Variants in LRIG1 observed in about 807,000 individuals in gnomAD.
LRIG1 encodes the protein leucine rich repeats and immunoglobulin like domains 1.
LRIG1 carries 48 observed loss-of-function variants against 99.2 expected under a neutral mutation model. The observed-to-expected ratio is 0.48, with a 90% confidence interval of 0.38 to 0.62. The LOEUF (loss-of-function observed/expected upper bound fraction) is 0.62, where lower values mean the gene tolerates loss of function less well. Ranked by LOEUF, LRIG1 falls within the 20% of genes least tolerant of loss-of-function variation. The pLI, the probability that LRIG1 is intolerant of heterozygous loss-of-function variation, is 0.00. For synonymous variants in LRIG1, 772 were observed against 596.1 expected, an observed-to-expected ratio of 1.29 and a Z score of -4.30; for missense variants, 1,646 against 1,434.4, an observed-to-expected ratio of 1.15 and a Z score of -2.38.
At chr3:66,398,717 G>A (rs371083017) in intron 10 of LRIG1, among the ~76,000 whole-genome samples, 63 of 152,360 alleles carry the variant, frequency 4.1e-4, no homozygotes, top group African/African-American at 1.4e-3. Context: ...CGCAGCAGGA[G>A]GGGGGAGGGT....
At position 66,380,358 on chromosome 3, in the gene LRIG1, G is replaced by T. The variant is rs1343092327; in HGVS notation, c.3187C>A (p.Pro1063Thr). The change falls in exon 19 of 19, where the codon CCC becomes ACC. Residue 1063 changes from proline to threonine, a missense_variant. Pro to Thr is a conservative substitution (Grantham distance 38, BLOSUM62 -1). Transcript: ENST00000273261. ...TCGGGACTGGCGTCACATGCTTTGG[G>T]GAGGTGGCCATTGGAAACAAGCAAG... ...QYLLVSNGHL[P>T]KACDASPEST... 5 of 1,614,068 alleles carry T rather than the reference G, an allele frequency of 3.1e-6. No homozygotes were observed. Among genetic ancestry groups the T allele is most frequent in the Non-Finnish European group, 4.2e-6 (5 of 1,180,046 alleles).
rs1701338174 is a variant in LRIG1, at chr3:66,500,647, C to CGGCCG, written c.-241_-240insCGGCC. 1 of 307,964 alleles carries CGGCCG rather than the reference C, an allele frequency of 3.2e-6. No individual in the cohort carries two copies. Among genetic ancestry groups the CGGCCG allele is most frequent in the African/African-American group, 2.2e-5 (1 of 45,390 alleles). 19.1% of individuals were successfully genotyped at this position (307,964 alleles called of 1,614,324 possible). ...CCGCGCCCATCCGGGCCGGCCGGCC[C>CGGCCG]GCCCGCGCTAGCTGCGAACTCCGCC... is the stretch of plus-strand genomic sequence containing the variant. On this transcript the variant is annotated 5_prime_UTR_variant, in exon 1 of 19. Coordinates refer to ENST00000273261, the MANE Select transcript of LRIG1 (RefSeq NM_015541.3).
Position 66,379,747 on chromosome 3 carries a change from G to C in LRIG1, c.*516C>G, listed in dbSNP as rs554347612. On this transcript the variant is annotated 3_prime_UTR_variant, in exon 19 of 19. Coordinates refer to ENST00000273261, the MANE Select transcript of LRIG1 (RefSeq NM_015541.3). ...GTGCTCACCTGAAGCTCCTTCCGGC[G>C]CATGTGGAGTCCCACCGCACAGCAG... 2 of 153,212 alleles carry C rather than the reference G, an allele frequency of 1.3e-5. No homozygotes were observed. The highest frequency in any genetic ancestry group is 1.3e-4 in the Admixed American group (2 of 15,420). The allele number at this position is 153,212 out of a possible 1,614,324, so 9.5% of individuals were successfully genotyped here. A position where few individuals can be genotyped will look rare whatever the true frequency, so the allele number is the denominator to read the frequency against.
Position 66,380,356 on chromosome 3 carries a change from G to A in LRIG1, c.3189C>T (p.Pro1063=). ...QYLLVSNGHL[P]KACDASPEST... ...ACTCGGGACTGGCGTCACATGCTTT[G>A]GGGAGGTGGCCATTGGAAACAAGCA... Residue 1063 remains proline (P), a synonymous_variant, in exon 19 of 19, where the codon CCC becomes CCT. Transcript: ENST00000273261. 2 of 1,614,186 alleles carry A rather than the reference G, an allele frequency of 1.2e-6. No individual in the cohort carries two copies. Among genetic ancestry groups the A allele is most frequent in the Non-Finnish European group, 1.7e-6 (2 of 1,180,028 alleles).
At chr3:66,457,666 C>T (rs529341696) in intron 2 of LRIG1, among the ~76,000 whole-genome samples, 6 of 152,208 alleles carry the variant, frequency 3.9e-5, no homozygotes, top group Non-Finnish European at 7.3e-5. Flanking sequence ...AGAAAGCAAA[C>T]GCTGAGGCAC....
At chr3:66,470,969 T>C (rs760899489) in intron 1 of LRIG1, among the ~76,000 whole-genome samples, 62 of 152,206 alleles carry the variant, frequency 4.1e-4, no homozygotes, top group Admixed American at 7.9e-4. Context: ...CTTGTTAATA[T>C]GGTATGTGCA....
At chr3:66,465,648 G>A (rs572082487) in intron 1 of LRIG1, among the ~76,000 whole-genome samples, 11 of 151,866 alleles carry the variant, frequency 7.2e-5, no homozygotes, top group Non-Finnish European at 1.5e-4. Flanking sequence ...TTACAGGTGT[G>A]AGCCACCGTG....
chr3:66,431,186 T>C (rs1703161066), intron 3 of LRIG1, among the ~76,000 whole-genome samples: 1 of 152,122 alleles, frequency 6.6e-6, no homozygotes, highest in Non-Finnish European at 1.5e-5. Flanking sequence ...TAAACATACT[T>C]CATTACAATT....
At position 66,383,307 on chromosome 3, in the gene LRIG1, G is replaced by A. The variant is rs765839361; in HGVS notation, c.2166C>T (p.Pro722=). ...LQCKATGNPP[P]RITWFKGDRP... is the part of the protein sequence containing the mutation. ...GGTCCCCCTTGAACCAGGTGATGCG[G>A]GGCGGAGGGTTCCCCGTGGCTTTGC... Residue 722 remains proline (P), a synonymous_variant, in exon 15 of 19, where the codon CCC becomes CCT. Coordinates refer to ENST00000273261, the MANE Select transcript of LRIG1 (RefSeq NM_015541.3). The A allele has an allele frequency of 5.6e-6, 9 of 1,606,546 alleles. No homozygotes were observed. The highest frequency in any genetic ancestry group is 7.7e-6 in the Non-Finnish European group (9 of 1,173,874).
At chr3:66,447,587 T>C (rs868684568) in intron 3 of LRIG1, among the ~76,000 whole-genome samples, 2 of 152,214 alleles carry the variant, frequency 1.3e-5, no homozygotes, top group Middle Eastern at 6.8e-3. Context: ...CAAGGCACCA[T>C]AAAGGGATGA....
intron 17 of LRIG1, 81 bp from the exon 18 acceptor site, chr3:66,380,942 C>G: frequency 6.9e-7 from 1 of 1,455,546 alleles, no homozygotes; most frequent in Non-Finnish European, 9.5e-7. Context: ...CTGCTCAGCT[C>G]CACTGTGCAA....
At chr3:66,444,031 C>T (rs1411143484) in intron 3 of LRIG1, among the ~76,000 whole-genome samples, 2 of 152,200 alleles carry the variant, frequency 1.3e-5, no homozygotes, top group Non-Finnish European at 2.9e-5. Flanking sequence ...AGGTGGCATT[C>T]AAGTCTTAGC....
rs55651719 is a variant in LRIG1 at position 66,408,913 on chromosome 3, AGTGTGTGTGTGTGTGTGT to A, written c.935+1198_935+1215del. 7.4e-4 allele frequency among the ~76,000 whole-genome samples: 26 copies of A among 34,914 alleles called. No individual in the cohort carries two copies. The East Asian group carries it at 0.01, about 14-fold the overall frequency. The allele number at this position is 34,914 out of a possible 152,430, so 22.9% of individuals were successfully genotyped here. On this transcript the variant is annotated intron_variant, in intron 7 of 18. Transcript: ENST00000273261. Reference sequence around the variant, plus strand: ...GTCACCAAAATATAAACTCCAAGTCAGTGTGTGTGTGTGTGTGTGTGTGTGTGTGTGTGTGTGTGTGTG... The same window carrying A: ...GTCACCAAAATATAAACTCCAAGTCAGTGTGTGTGTGTGTGTGTGTGTGTG...
intron 1 of LRIG1, among the ~76,000 whole-genome samples, chr3:66,483,185 C>G (rs926246512): frequency 6.6e-6 from 1 of 152,166 alleles, no homozygotes; most frequent in African/African-American, 2.4e-5. Flanking sequence ...ACATGTGAGG[C>G]TGAGCTCATC....
chr3:66,445,708 G>A (rs1406286662), intron 3 of LRIG1, among the ~76,000 whole-genome samples: 4 of 152,214 alleles, frequency 2.6e-5, no homozygotes, highest in Non-Finnish European at 5.9e-5. Flanking sequence ...AGTGAAGGAT[G>A]CCTTTCTTCA....
chr3:66,484,956 C>T (rs1700938115), intron 1 of LRIG1, among the ~76,000 whole-genome samples: 1 of 151,970 alleles, frequency 6.6e-6, no homozygotes, highest in African/African-American at 2.4e-5. Context: ...GTGTTCGAGA[C>T]CAGCCTAGGC....
intron 3 of LRIG1, among the ~76,000 whole-genome samples, chr3:66,450,171 A>C (rs1267546512): frequency 6.6e-6 from 1 of 152,206 alleles, no homozygotes; most frequent in Non-Finnish European, 1.5e-5. Context: ...TTACCCATCA[A>C]GGGAACAAAG....
At chr3:66,410,065 T>C (rs1212948311) in intron 7 of LRIG1, 64 bp downstream of exon 7, 1 of 1,531,456 alleles carries the variant, frequency 6.5e-7, no homozygotes, top group East Asian at 2.3e-5. Context: ...GAACCAGGCC[T>C]AGCACTTTCA....
At chr3:66,499,118 G>A (rs778463230) in intron 1 of LRIG1, among the ~76,000 whole-genome samples, 3 of 152,204 alleles carry the variant, frequency 2.0e-5, no homozygotes, top group Non-Finnish European at 2.9e-5. Flanking sequence ...CTACAGAGAT[G>A]CTAATTACCC....
Sources: allele counts gnomAD v4.1 joint callset (sites outside exome capture counted in the v4.1 genomes callset), GRCh38; gene constraint gnomAD v4.1.1; transcripts MANE v1.5; gene names NCBI Gene and HGNC (gene_info 2026-07-23, HGNC 2026-07-21).